The following ZNF695 variants were observed in gnomAD, a reference collection of about 807,000 sequenced individuals.
The protein encoded by ZNF695 is zinc finger protein SBZF3.
In ZNF695, 11 loss-of-function variants were observed where a neutral mutation model predicts 11.2. The ratio of observed to expected loss-of-function variants is 0.98; its 90% CI spans 0.62 to 1.62. The LOEUF (loss-of-function observed/expected upper bound fraction) is 1.62. ZNF695 is among the 40% of genes most tolerant of loss of function. The pLI is 0.00. For missense variants in ZNF695, 559 were observed against 590.5 expected, an observed-to-expected ratio of 0.95 and a Z score of 0.55; for synonymous variants, 190 against 201.4, an observed-to-expected ratio of 0.94 and a Z score of 0.48.
At chr1:247,001,887 C>T (rs1391744945) in intron 1 of ZNF695, among the ~76,000 whole-genome samples, 3 of 152,032 alleles carry the variant, frequency 2.0e-5, no homozygotes, top group South Asian at 4.1e-4. Context: ...GATAACCATA[C>T]AATATTAGTA....
In ZNF695 at chr1:246,973,063, T is replaced by TA. The variant is rs760265521; in HGVS notation, c.391-5272_391-5271insT. On this transcript the variant is annotated intron_variant, in intron 4 of 5. Transcript: ENST00000487338. ...CTAAGAACATATATATATATATATATTTTGAGACGGAGTTTCACTCTTGTT... is the reference window on the plus strand; with the variant it reads ...CTAAGAACATATATATATATATATATATTTGAGACGGAGTTTCACTCTTGTT... Among the ~76,000 whole-genome samples, 535 of 149,614 alleles carry TA rather than the reference T, an allele frequency of 3.6e-3. 2 individuals are homozygous for TA. Among genetic ancestry groups the TA allele is most frequent in the Admixed American group, 8.5e-3 (127 of 14,916 alleles).
At chr1:246,993,156 C>A (rs186952074) in intron 3 of ZNF695, among the ~76,000 whole-genome samples, 39 of 152,266 alleles carry the variant, frequency 2.6e-4, no homozygotes, top group Admixed American at 2.6e-3. Flanking sequence ...CGCCAGTAAT[C>A]CTAGCCCTTT....
intron 1 of ZNF695, among the ~76,000 whole-genome samples, chr1:247,005,635 G>A (rs1022000590): frequency 6.6e-6 from 1 of 151,848 alleles, no homozygotes; most frequent in Non-Finnish European, 1.5e-5. Context: ...AATAGCCTGA[G>A]CCCAGGGGAT....
At chr1:246,993,428 AAAC>A (rs1669100024) in intron 3 of ZNF695, among the ~76,000 whole-genome samples, 1 of 151,872 alleles carries the variant, frequency 6.6e-6, no homozygotes, top group Non-Finnish European at 1.5e-5. Flanking sequence ...ACAAACAAAC[AAAC>A]AAAAAAAAAC....
intron 3 of ZNF695, among the ~76,000 whole-genome samples, chr1:246,997,240 C>T (rs538117404): frequency 1.2e-3 from 175 of 152,146 alleles, no homozygotes; most frequent in South Asian, 4.6e-3. Flanking sequence ...CGGTGGCTCA[C>T]GCCTATAATC....
Position 246,986,512 on chromosome 1 carries a change from CTA to C in ZNF695, c.*453_*454del, listed in dbSNP as rs538897041. ...AGTGTCAGTGACTTAGTGCTTTTTA[CTA>C]TGAATTCTTGGATGTGTTTTGATGT... is the stretch of plus-strand genomic sequence containing the variant. On this transcript the variant is annotated 3_prime_UTR_variant, in exon 4 of 4. Transcript: ENST00000339986. The C allele has an allele frequency of 7.5e-4, 743 of 988,232 alleles. No homozygotes were observed. The highest frequency in any genetic ancestry group is 8.7e-4 in the Non-Finnish European group (726 of 831,946). 61.2% of individuals were successfully genotyped at this position (988,232 alleles called of 1,614,324 possible).
Position 246,999,930 on chromosome 1 carries a change from T to C in ZNF695, c.148A>G (p.Met50Val). 4 of 1,614,088 alleles carry C rather than the reference T, an allele frequency of 2.5e-6. No individual in the cohort carries two copies. The highest frequency in any genetic ancestry group is 3.4e-6 in the Non-Finnish European group (4 of 1,179,988). Residue 50 changes from methionine to valine, a missense_variant, in exon 2 of 4, where the codon ATG (methionine) becomes GTG (valine). By Grantham distance (21) the Met-to-Val change is conservative. Transcript: ENST00000339986. ...TCCTTACTGTGAAATAGGAATTGCA[T>C]ATTGAAGCTATCCTCACCAAGGGAG... ...LISLGEDSFN[M>V]QFLFHSLAMS...
In ZNF695 at chr1:247,000,014, C is replaced by T. The variant is rs554367827; in HGVS notation, c.64G>A (p.Asp22Asn). The T allele has an allele frequency of 6.2e-7, 1 of 1,614,074 alleles. No homozygotes were observed. The highest frequency in any genetic ancestry group is 1.7e-5 in the Admixed American group (1 of 59,982). Residue 22 changes from aspartate (D) to asparagine (N), a missense_variant, in exon 2 of 4, where the codon GAC becomes AAC. Coordinates refer to ENST00000339986, the MANE Select transcript of ZNF695 (RefSeq NM_020394.5). ...CTATACAAACTCCGCTGAGCTGGGT[C>T]CAGGCATTCCCACTCCTCTGGAGAG... The part of the protein sequence containing the change: ...EFSPEEWECL[D>N]PAQRSLYRDV...
At chr1:246,966,785 A>C (rs1469292475) in intron 5 of ZNF695, 1 of 456,536 alleles carries the variant, frequency 2.2e-6, no homozygotes, top group Non-Finnish European at 4.4e-6. Flanking sequence ...CCCTATTTTT[A>C]AAGGAAAAAA....
At chr1:246,995,900 CAG>C (rs1669193266) in intron 3 of ZNF695, 9 of 286,956 alleles carry the variant, frequency 3.1e-5, no homozygotes, top group South Asian at 2.1e-4. Flanking sequence ...GTCAATGAAA[CAG>C]AATAGAAAAC....
chr1:247,006,272 A>G (rs1367513999), intron 1 of ZNF695, among the ~76,000 whole-genome samples: 1 of 151,758 alleles, frequency 6.6e-6, no homozygotes, highest in African/African-American at 2.4e-5. Context: ...ACTGTGAAAA[A>G]AACAAAAAAG....
downstream of ZNF695, among the ~76,000 whole-genome samples, chr1:246,983,883 G>T (rs1361400396): frequency 6.6e-6 from 1 of 151,238 alleles, no homozygotes; most frequent in African/African-American, 2.4e-5. Context: ...TCCAGGCCAG[G>T]TGTGGCTCAT....
At position 246,986,597 on chromosome 1, in the gene ZNF695, G is replaced by A. The variant is rs1282120097; in HGVS notation, c.*370C>T. 9.9e-7 allele frequency: 1 copy of A among 1,008,646 alleles called. No homozygotes were observed. Among genetic ancestry groups the A allele is most frequent in the Non-Finnish European group, 1.2e-6 (1 of 845,388 alleles). The allele number at this position is 1,008,646 out of a possible 1,614,324, so 62.5% of individuals were successfully genotyped here. A position where few individuals can be genotyped will look rare whatever the true frequency, so the allele number is the denominator to read the frequency against. Reference sequence around the variant, plus strand: ...GCATCTGTAAAACAGTTTTTAGTGTGAACACTCTGGTGTTTTCTGAGGTAT... The same window carrying A: ...GCATCTGTAAAACAGTTTTTAGTGTAAACACTCTGGTGTTTTCTGAGGTAT... On this transcript the variant is annotated 3_prime_UTR_variant, in exon 4 of 4. Coordinates refer to ENST00000339986, the MANE Select transcript of ZNF695 (RefSeq NM_020394.5).
chr1:246,953,494 C>G (rs539167110), intron 5 of ZNF695, among the ~76,000 whole-genome samples: 3 of 152,090 alleles, frequency 2.0e-5, no homozygotes, highest in Non-Finnish European at 4.4e-5. Context: ...GCCTGTAGTC[C>G]CAGCTACTCG....
intron 5 of ZNF695, among the ~76,000 whole-genome samples, chr1:246,963,441 A>G (rs1022041601): frequency 1.3e-5 from 2 of 152,180 alleles, no homozygotes; most frequent in African/African-American, 4.8e-5. Context: ...ATAAAAAGAA[A>G]AATAAAAAAC....
In ZNF695 at chr1:246,988,162, C is replaced by A. The variant is rs758774159; in HGVS notation, c.353G>T (p.Cys118Phe). The change falls in exon 4 of 4, where the codon TGT becomes TTT. Residue 118 changes from cysteine to phenylalanine, a missense_variant. By Grantham distance (205) the Cys-to-Phe change is radical (BLOSUM62 -2). Transcript: ENST00000339986. ...KVMLRRYERC[C>F]LEKLRLRNDW... ...ATTCCTTAAGCGTAATTTCTCAAGA[C>A]AACATCTTTCATATCTTCTCAGCAT... 3.7e-6 allele frequency: 6 copies of A among 1,613,238 alleles called. No individual in the cohort carries two copies. The highest frequency in any genetic ancestry group is 5.1e-6 in the Non-Finnish European group (6 of 1,179,680).
intron 5 of ZNF695, among the ~76,000 whole-genome samples, chr1:246,961,230 A>G (rs1030712513): frequency 9.2e-5 from 14 of 152,218 alleles, no homozygotes; most frequent in African/African-American, 3.4e-4. Context: ...CTAATTAGGC[A>G]TAACACTTCA....
Position 246,985,430 on chromosome 1 carries a change from A to C in ZNF695, c.*1537T>G. On this transcript the variant is annotated 3_prime_UTR_variant, in exon 4 of 4. Coordinates refer to ENST00000339986, the MANE Select transcript of ZNF695 (RefSeq NM_020394.5). ...TAACGTGTGGGAACAATATTTTTCAAATTATTTGAAGTTTAATGCCACTGG... is the reference window on the plus strand; with the variant it reads ...TAACGTGTGGGAACAATATTTTTCACATTATTTGAAGTTTAATGCCACTGG... The C allele has an allele frequency of 1.0e-6, 1 of 985,356 alleles. No individual in the cohort carries two copies. The highest frequency in any genetic ancestry group is 1.2e-6 in the Non-Finnish European group (1 of 829,904). The allele number at this position is 985,356 out of a possible 1,614,324, so 61.0% of individuals were successfully genotyped here. A position where few individuals can be genotyped will look rare whatever the true frequency, so the allele number is the denominator to read the frequency against.
intron 1 of ZNF695, among the ~76,000 whole-genome samples, chr1:247,000,731 A>AG (rs1669354695): frequency 6.6e-6 from 1 of 152,212 alleles, no homozygotes. Flanking sequence ...GTGAGTTAGA[A>AG]GGTACTTCTC....
Sources: gnomAD v4.1 joint callset for allele counts (sites outside exome capture counted in the v4.1 genomes callset) on GRCh38, gnomAD v4.1.1 for gene constraint, MANE v1.5 for transcripts, NCBI Gene and HGNC (gene_info 2026-07-23, HGNC 2026-07-21) for gene names.